ARFGEF3: variants seen among roughly 807,000 people sequenced by gnomAD.
ARFGEF3 encodes the protein ARFGEF family member 3.
In ARFGEF3, 96 loss-of-function variants were observed where a neutral mutation model predicts 221.7. The ratio of observed to expected loss-of-function variants is 0.43; its 90% CI spans 0.37 to 0.51. The LOEUF (loss-of-function observed/expected upper bound fraction) is 0.51. ARFGEF3 is among the 20% of genes least tolerant of loss of function. The probability of loss-of-function intolerance (pLI) is 0.00; values close to 1 mark genes in which losing one functional copy is unlikely to be tolerated. For missense variants in ARFGEF3, 2,410 were observed against 2,789.9 expected (o/e 0.86, Z 3.07); for synonymous variants, 1,145 against 1,126.8 (o/e 1.02, Z -0.32).
intron 8 of ARFGEF3, among the ~76,000 whole-genome samples, chr6:138,249,052 C>G (rs545786856): frequency 6.6e-6 from 1 of 152,302 alleles, no homozygotes; most frequent in African/African-American, 2.4e-5. Context: ...GAATCCCTCT[C>G]ATGTAGTAAA....
chr6:138,307,459 A>AT, intron 23 of ARFGEF3, 62 bp downstream of exon 23: 2 of 1,445,634 alleles, frequency 1.4e-6, no homozygotes, highest in Non-Finnish European at 1.9e-6. Flanking sequence ...GTTTCATGCT[A>AT]TTAAAAAAAA....
intron 12 of ARFGEF3, among the ~76,000 whole-genome samples, chr6:138,277,156 C>T (rs1184347700): frequency 6.6e-6 from 1 of 152,114 alleles, no homozygotes; most frequent in African/African-American, 2.4e-5. Flanking sequence ...GGTCCCTGGT[C>T]CCTGGTAACC....
intron 5 of ARFGEF3, among the ~76,000 whole-genome samples, chr6:138,231,946 C>T (rs1464833505): frequency 6.6e-6 from 1 of 152,216 alleles, no homozygotes; most frequent in African/African-American, 2.4e-5. Flanking sequence ...CTTAGAACAG[C>T]ATCCTCTGTG....
chr6:138,324,097 G>T lies in ARFGEF3; in HGVS notation c.4944G>T (p.Pro1648=), dbSNP rs138611846. 6.2e-7 allele frequency: 1 copy of T among 1,613,790 alleles called. No homozygotes were observed. Among genetic ancestry groups the T allele is most frequent in the Non-Finnish European group, 8.5e-7 (1 of 1,179,870 alleles). Residue 1648 remains proline (P), a synonymous_variant, in exon 31 of 34, where the codon CCG becomes CCT. Transcript: ENST00000251691. Reference sequence around the variant, plus strand: ...GCTGCCAGGTGCGAGTGGCGGCCCCGTCCTCCTCCCCAAGTGCCGAGGCCG... The same window carrying T: ...GCTGCCAGGTGCGAGTGGCGGCCCCTTCCTCCTCCCCAAGTGCCGAGGCCG... ...GEGCQVRVAA[P]SSSPSAEAEY...
chr6:138,162,742 G>T lies in ARFGEF3; in HGVS notation c.85+571G>T, dbSNP rs1055605617. 6.6e-6 allele frequency among the ~76,000 whole-genome samples: 1 copy of T among 152,158 alleles called. No individual in the cohort carries two copies. Among genetic ancestry groups the T allele is most frequent in the Non-Finnish European group, 1.5e-5 (1 of 68,028 alleles). On this transcript the variant is annotated intron_variant, in intron 1 of 33. Transcript: ENST00000251691. This position sits in a 1 kb window ranked among gnomAD's most constrained non-coding sequence, Gnocchi z 4.7. ...GCCCTTCAGACAGGTGGGATTTTAGGGCTGTGAGCTGTGCTAGCGTTGAAG... is the reference window on the plus strand; with the variant it reads ...GCCCTTCAGACAGGTGGGATTTTAGTGCTGTGAGCTGTGCTAGCGTTGAAG...
chr6:138,209,374 A>G (rs1334378718), intron 3 of ARFGEF3, among the ~76,000 whole-genome samples: 1 of 152,174 alleles, frequency 6.6e-6, no homozygotes, highest in East Asian at 1.9e-4. Flanking sequence ...TTAGGGTTTC[A>G]CTTGATGGAA....
chr6:138,285,416 T>C (rs1254093036), intron 14 of ARFGEF3, among the ~76,000 whole-genome samples: 2 of 148,570 alleles, frequency 1.3e-5, no homozygotes, highest in South Asian at 2.1e-4. Context: ...ATCACGCCAC[T>C]GCACTCCAGC....
chr6:138,209,678 G>C (rs1777684944), intron 3 of ARFGEF3, among the ~76,000 whole-genome samples: 1 of 152,052 alleles, frequency 6.6e-6, no homozygotes, highest in East Asian at 1.9e-4. Context: ...TCCAACCCCT[G>C]ACCTCATGAC....
chr6:138,308,249 T>G (rs1293281093), intron 23 of ARFGEF3, among the ~76,000 whole-genome samples: 19 of 152,212 alleles, frequency 1.2e-4, no homozygotes. Context: ...ATCAGTTAAC[T>G]GTGGCCTGGG....
chr6:138,323,903 T>C, intron 30 of ARFGEF3, 120 bp from the exon 31 acceptor site: 2 of 1,544,740 alleles, frequency 1.3e-6, no homozygotes, highest in Non-Finnish European at 1.8e-6. Context: ...TTGCAGAGAG[T>C]GAGAAAGAAG....
intron 24 of ARFGEF3, 140 bp downstream of exon 24, chr6:138,309,001 C>A: frequency 2.1e-6 from 2 of 953,950 alleles, no homozygotes; most frequent in Non-Finnish European, 3.1e-6. Flanking sequence ...GTTGTGTACT[C>A]AAAAGCAAAA....
rs368127438 is a variant in ARFGEF3, at chr6:138,211,921, A to G, written c.351+1880A>G. On this transcript the variant is annotated intron_variant, in intron 4 of 33. Transcript: ENST00000251691. ...GCCTCTTAATGGACTCTCCAATGAC[A>G]CCATTATAAACCTTGATACTTTTAG... 5.3e-5 allele frequency among the ~76,000 whole-genome samples: 8 copies of G among 152,176 alleles called. No homozygotes were observed. The East Asian group carries it at 9.6e-4, about 18-fold the overall frequency.
chr6:138,335,495 C>A (rs1214554360), intron 33 of ARFGEF3, among the ~76,000 whole-genome samples: 2 of 150,398 alleles, frequency 1.3e-5, no homozygotes, highest in East Asian at 3.9e-4. Context: ...AAGCTTATAA[C>A]ATGTAAGCTT....
intron 32 of ARFGEF3, among the ~76,000 whole-genome samples, chr6:138,331,896 A>T (rs981137576): frequency 3.3e-5 from 5 of 152,034 alleles, no homozygotes; most frequent in African/African-American, 1.2e-4. Flanking sequence ...TTTCCCTCCC[A>T]TTCTGTTTTC....
At chr6:138,261,957 GA>G (rs773359597) in intron 11 of ARFGEF3, among the ~76,000 whole-genome samples, 40 of 152,200 alleles carry the variant, frequency 2.6e-4, no homozygotes, top group Admixed American at 4.6e-4. Flanking sequence ...CTAGAAAACT[GA>G]ATATTATAGG....
At chr6:138,229,968 C>A in intron 5 of ARFGEF3, 116 bp downstream of exon 5, 1 of 850,942 alleles carries the variant, frequency 1.2e-6, no homozygotes. Context: ...TGATTACTAC[C>A]GTGGGGAATT....
At chr6:138,191,713 C>T (rs1161825546) in intron 2 of ARFGEF3, among the ~76,000 whole-genome samples, 4 of 152,162 alleles carry the variant, frequency 2.6e-5, no homozygotes, top group Admixed American at 2.6e-4. Flanking sequence ...TCAAAATATA[C>T]AAAAATATAG....
intron 2 of ARFGEF3, among the ~76,000 whole-genome samples, chr6:138,183,511 G>A (rs1204853327): frequency 1.3e-5 from 2 of 152,120 alleles, no homozygotes; most frequent in South Asian, 4.2e-4. Flanking sequence ...TCTGGAGAGA[G>A]TGATGCAGAG....
chr6:138,343,278 C>CTA lies in ARFGEF3; in HGVS notation c.*6793_*6794dup, dbSNP rs1780461087. ...TGCTTATTGATTCAATGAGGTTTCT[C>CTA]TAAAGACTTCTGCTTAATAAATATG... is the stretch of plus-strand genomic sequence containing the variant. On this transcript the variant is annotated 3_prime_UTR_variant, in exon 34 of 34. Coordinates refer to ENST00000251691, the MANE Select transcript of ARFGEF3 (RefSeq NM_020340.5). The CTA allele has an allele frequency of 6.6e-6, 1 of 152,114 alleles. No homozygotes were observed. Among genetic ancestry groups the CTA allele is most frequent in the Non-Finnish European group, 1.5e-5 (1 of 68,030 alleles). 9.4% of individuals were successfully genotyped at this position (152,114 alleles called of 1,614,324 possible). A position where few individuals can be genotyped will look rare whatever the true frequency, so the allele number is the denominator to read the frequency against.
Sources: allele counts gnomAD v4.1 joint callset (sites outside exome capture counted in the v4.1 genomes callset), GRCh38; gene constraint gnomAD v4.1.1; non-coding constraint Gnocchi (gnomAD v3.1); transcripts MANE v1.5; gene names NCBI Gene and HGNC (gene_info 2026-07-23, HGNC 2026-07-21).